The following USP38 variants were observed in gnomAD, a reference collection of about 807,000 sequenced individuals.
USP38 encodes the protein ubiquitin specific peptidase 38, also known as ubiquitin carboxyl-terminal hydrolase 38.
Under a neutral mutation model 94.3 loss-of-function variants are expected in USP38, and 49 were observed. The observed-to-expected ratio is 0.52, with a 90% CI of 0.41 to 0.66. USP38 has a LOEUF of 0.66. Ranked by LOEUF, USP38 falls within the 30% of genes least tolerant of loss-of-function variation. The pLI is 0.00. For missense variants in USP38, 1,128 were observed against 1,229.4 expected, an observed-to-expected ratio of 0.92 and a Z score of 1.23; for synonymous variants, 468 against 463.6, an observed-to-expected ratio of 1.01 and a Z score of -0.12.
At chr4:143,209,745 A>T in intron 7 of USP38, 88 bp downstream of exon 7, 1 of 727,042 alleles carries the variant, frequency 1.4e-6, no homozygotes, top group Non-Finnish European at 2.2e-6. Flanking sequence ...TTTTTAACTG[A>T]TGAAATAATA....
chr4:143,216,788 T>A (rs1449513765), intron 9 of USP38, among the ~76,000 whole-genome samples: 2 of 151,382 alleles, frequency 1.3e-5, no homozygotes, highest in African/African-American at 2.4e-5. Flanking sequence ...TAGGAACTTA[T>A]ATTTAGATTG....
In USP38 at chr4:143,197,915, G is replaced by C; in HGVS notation, c.1041G>C (p.Ala347=). Residue 347 remains alanine (A), a synonymous_variant, in exon 4 of 10, where the codon GCG becomes GCC. Transcript: ENST00000307017. ...TTAGCTTTCAGCATTCTCCAGAGGC[G>C]TTCCATTTGGTAAGTTATGACATAA... ...MLLSFQHSPE[A]FHLIVPHVVN... 6.2e-7 allele frequency: 1 copy of C among 1,608,454 alleles called. No individual in the cohort carries two copies. Among genetic ancestry groups the C allele is most frequent in the East Asian group, 2.2e-5 (1 of 44,764 alleles).
At chr4:143,212,200 T>C in intron 7 of USP38, 118 bp from the exon 8 acceptor site, 2 of 702,048 alleles carry the variant, frequency 2.8e-6, no homozygotes, top group Non-Finnish European at 4.4e-6. Flanking sequence ...CCGGCACTTT[T>C]GGCTGATGCA....
In USP38 at chr4:143,221,262, A is replaced by G. The variant is rs996958365; in HGVS notation, c.*806A>G. ...TCAAAAATAGGAATCTTTGGCTGCAAAATTTTAATGAAATGTTAGGAAGTA... is the reference window on the plus strand; with the variant it reads ...TCAAAAATAGGAATCTTTGGCTGCAGAATTTTAATGAAATGTTAGGAAGTA... On this transcript the variant is annotated 3_prime_UTR_variant, in exon 10 of 10. Coordinates refer to ENST00000307017, the MANE Select transcript of USP38 (RefSeq NM_032557.6). 1 of 152,562 alleles carries G rather than the reference A, an allele frequency of 6.6e-6. No individual in the cohort carries two copies. Among genetic ancestry groups the G allele is most frequent in the East Asian group, 1.9e-4 (1 of 5,194 alleles). The allele number at this position is 152,562 out of a possible 1,614,324, so 9.5% of individuals were successfully genotyped here. A position where few individuals can be genotyped will look rare whatever the true frequency, so the allele number is the denominator to read the frequency against.
rs1228060760 is a variant in USP38 at position 143,213,627 on chromosome 4, C to G, written c.1651C>G (p.Pro551Ala). ...KILKVQASHK[P>A]SEILECSETS... ...CTTGAAAGTTCAGGCCTCACACAAG[C>G]CTTCTGAAATTCTGGAATGCAGTGA... The change falls in exon 9 of 10, where the codon CCT (proline) becomes GCT (alanine). Residue 551 changes from proline (P) to alanine (A), a missense_variant. Coordinates refer to ENST00000307017, the MANE Select transcript of USP38 (RefSeq NM_032557.6). 3.1e-6 allele frequency: 5 copies of G among 1,612,880 alleles called. No homozygotes were observed. Among genetic ancestry groups the G allele is most frequent in the Non-Finnish European group, 4.2e-6 (5 of 1,179,542 alleles).
chr4:143,218,459 T>G (rs1235257399), intron 9 of USP38, among the ~76,000 whole-genome samples: 1 of 152,096 alleles, frequency 6.6e-6, no homozygotes, highest in East Asian at 1.9e-4. Context: ...AAAGACAGTT[T>G]TTCCTATTTT....
At chr4:143,200,912 G>A (rs1019226264) in intron 4 of USP38, among the ~76,000 whole-genome samples, 6 of 152,156 alleles carry the variant, frequency 3.9e-5, no homozygotes, top group Non-Finnish European at 2.9e-5. Context: ...CCATGCTTAT[G>A]GATAGGAAGA....
Position 143,186,027 on chromosome 4 carries a change from T to C in USP38, c.577T>C (p.Ser193Pro), listed in dbSNP as rs1309645755. Residue 193 changes from serine (S) to proline (P), a missense_variant, in exon 1 of 10, where the codon TCC becomes CCC. Transcript: ENST00000307017. ...TQERELREYV[S>P]QVTKVSNLLQ... is the part of the protein sequence containing the mutation. ...GGAAAGAGAGCTGCGGGAATATGTC[T>C]CCCAGGTGACAAAAGTGAGTAACTT... 1.2e-6 allele frequency: 2 copies of C among 1,614,020 alleles called. No homozygotes were observed. Among genetic ancestry groups the C allele is most frequent in the Non-Finnish European group, 1.7e-6 (2 of 1,180,048 alleles).
intron 1 of USP38, 122 bp from the exon 2 acceptor site, chr4:143,187,704 A>C: frequency 1.9e-6 from 2 of 1,040,750 alleles, no homozygotes; most frequent in Non-Finnish European, 2.7e-6. Flanking sequence ...AGGGTGTAGC[A>C]TAATAATCCT....
rs752980949 is a variant in USP38, at chr4:143,214,008, A to G, written c.2032A>G (p.Ile678Val). The G allele has an allele frequency of 2.5e-6, 4 of 1,613,658 alleles. No homozygotes were observed. Among genetic ancestry groups the G allele is most frequent in the Non-Finnish European group, 3.4e-6 (4 of 1,179,844 alleles). The change falls in exon 9 of 10, where the codon ATA (isoleucine) becomes GTA (valine). Residue 678 changes from isoleucine to valine, a missense_variant. By Grantham distance (29) the Ile-to-Val change is conservative. Transcript: ENST00000307017. ...ICDSLVNEKT[I>V]GSPPNEFYCS... ...TGACTCACTTGTGAATGAAAAAACC[A>G]TAGGCAGTCCTCCTAATGAGTTTTA...
chr4:143,191,226 A>T (rs1432509413), intron 2 of USP38, among the ~76,000 whole-genome samples: 3 of 152,190 alleles, frequency 2.0e-5, no homozygotes, highest in Admixed American at 6.5e-5. Flanking sequence ...ATCCATAGAA[A>T]TGCAAATGCA....
intron 4 of USP38, among the ~76,000 whole-genome samples, chr4:143,199,352 A>G (rs1397625212): frequency 6.6e-6 from 1 of 152,168 alleles, no homozygotes; most frequent in African/African-American, 2.4e-5. Context: ...TCCATGGTGT[A>G]TATGTACCAC....
At chr4:143,204,301 C>T (rs898008356) in intron 5 of USP38, 1 of 420,046 alleles carries the variant, frequency 2.4e-6, no homozygotes, top group Non-Finnish European at 4.7e-6. Flanking sequence ...TCTATTTTTG[C>T]TGTGGACTGT....
At chr4:143,206,549 G>C (rs896945750) in intron 6 of USP38, among the ~76,000 whole-genome samples, 1 of 152,090 alleles carries the variant, frequency 6.6e-6, no homozygotes, top group African/African-American at 2.4e-5. Flanking sequence ...AATTAGCCAG[G>C]CGTGGTGGTG....
intron 2 of USP38, 68 bp downstream of exon 2, chr4:143,188,029 G>A: frequency 6.8e-7 from 1 of 1,470,382 alleles, no homozygotes; most frequent in Non-Finnish European, 9.1e-7. Context: ...TGTATTTTGT[G>A]AGTAATGAAA....
chr4:143,188,185 CACACATAT>C (rs1731284771), intron 2 of USP38, among the ~76,000 whole-genome samples: 1 of 152,036 alleles, frequency 6.6e-6, no homozygotes, highest in South Asian at 2.1e-4. Flanking sequence ...CCAAAATATA[CACACATAT>C]ACACATATTA....
chr4:143,195,680 T>G, intron 2 of USP38, 36 bp from the exon 3 acceptor site: 1 of 1,557,978 alleles, frequency 6.4e-7, no homozygotes, highest in Non-Finnish European at 8.7e-7. Context: ...TGAAAATATT[T>G]TCAATAATGA....
Position 143,214,493 on chromosome 4 carries a change from C to G in USP38, c.2517C>G (p.Pro839=). The G allele has an allele frequency of 6.2e-7, 1 of 1,613,356 alleles. No individual in the cohort carries two copies. The highest frequency in any genetic ancestry group is 1.3e-5 in the African/African-American group (1 of 75,004). ...AAGCTTCCTGCACAAAATTGGTGCC[C>G]TATCTATTAAGTTCCGTTGTGGTTC... The part of the protein sequence containing the change: ...TDEASCTKLV[P]YLLSSVVVHS... Residue 839 remains proline (P), a synonymous_variant, in exon 9 of 10, where the codon CCC becomes CCG. Transcript: ENST00000307017.
Position 143,223,386 on chromosome 4 carries a change from G to A in USP38, c.*2930G>A, listed in dbSNP as rs1161499552. On this transcript the variant is annotated 3_prime_UTR_variant, in exon 10 of 10. Transcript: ENST00000307017. ...ATTATGATGCTAGAGGCATTGGGGG[G>A]TCCATGCGAAAGGTTCAAACAGCCT... is the stretch of plus-strand genomic sequence containing the variant. 2 of 152,124 alleles carry A rather than the reference G, an allele frequency of 1.3e-5. No individual in the cohort carries two copies. The highest frequency in any genetic ancestry group is 2.1e-4 in the South Asian group (1 of 4,830). 9.4% of individuals were successfully genotyped at this position (152,124 alleles called of 1,614,324 possible). A position where few individuals can be genotyped will look rare whatever the true frequency, so the allele number is the denominator to read the frequency against.
Sources: allele counts gnomAD v4.1 joint callset (sites outside exome capture counted in the v4.1 genomes callset), GRCh38; gene constraint gnomAD v4.1.1; transcripts MANE v1.5; gene names NCBI Gene and HGNC (gene_info 2026-07-23, HGNC 2026-07-21).